Variants in CPNE8 observed in about 807,000 individuals in gnomAD.
CPNE8 encodes copine-8.
CPNE8 carries 45 observed loss-of-function variants against 81.5 expected under a neutral mutation model. The ratio of observed to expected loss-of-function variants is 0.55; its 90% CI spans 0.44 to 0.71. The LOEUF (loss-of-function observed/expected upper bound fraction) is 0.71, where lower values mean the gene tolerates loss of function less well. Ranked by LOEUF, CPNE8 falls within the 30% of genes least tolerant of loss-of-function variation. The pLI, the probability that CPNE8 is intolerant of heterozygous loss-of-function variation, is 0.00. For synonymous variants in CPNE8, 252 were observed against 226.3 expected (o/e 1.11, Z -1.02); for missense variants, 594 against 672.1 (o/e 0.88, Z 1.28).
At chr12:38,703,917 C>A (rs554765609) in intron 13 of CPNE8, among the ~76,000 whole-genome samples, 1 of 152,066 alleles carries the variant, frequency 6.6e-6, no homozygotes, top group Admixed American at 6.6e-5. Flanking sequence ...ATAGAAAAAG[C>A]CACAAAAAAG....
chr12:38,693,838 C>A lies in CPNE8; in HGVS notation c.962G>T (p.Gly321Val), dbSNP rs1165258916. Residue 321 changes from glycine (G) to valine (V), a missense_variant and splice_region_variant, in exon 15 of 20, where the codon GGC becomes GTC. Transcript: ENST00000331366. ...TVAIDFTASN[G>V]NPAQPTSLHY... Reference sequence around the variant, plus strand: ...GAGGGAAGTGGGCTGAGCAGGGTTGCCTGATGACAGAACACATATTTCAAA... The same window carrying A: ...GAGGGAAGTGGGCTGAGCAGGGTTGACTGATGACAGAACACATATTTCAAA... 1 of 1,586,454 alleles carries A rather than the reference C, an allele frequency of 6.3e-7. No individual in the cohort carries two copies. Among genetic ancestry groups the A allele is most frequent in the East Asian group, 2.3e-5 (1 of 43,852 alleles).
At position 38,893,338 on chromosome 12, in the gene CPNE8, A is replaced by G. The variant is rs534470733; in HGVS notation, c.98+12099T>C. Among the ~76,000 whole-genome samples, 6 of 152,192 alleles carry G rather than the reference A, an allele frequency of 3.9e-5. No individual in the cohort carries two copies. The East Asian group carries it at 5.8e-4, about 15-fold the overall frequency. On this transcript the variant is annotated intron_variant, in intron 1 of 19. Coordinates refer to ENST00000331366, the MANE Select transcript of CPNE8 (RefSeq NM_153634.3). ...GACCTTGCTGATAAAACACACTGCTATAATGAAGCTAACCAAAGCCCACCA... is the reference window on the plus strand; with the variant it reads ...GACCTTGCTGATAAAACACACTGCTGTAATGAAGCTAACCAAAGCCCACCA...
chr12:38,658,380 C>T (rs190029294), intron 19 of CPNE8, among the ~76,000 whole-genome samples: 1 of 152,200 alleles, frequency 6.6e-6, no homozygotes, highest in East Asian at 1.9e-4. Flanking sequence ...AGCAAAGCCT[C>T]CAAGAAATAT....
intron 16 of CPNE8, among the ~76,000 whole-genome samples, chr12:38,683,136 A>G (rs1939448378): frequency 6.6e-6 from 1 of 152,186 alleles, no homozygotes. Flanking sequence ...CAAACAGATC[A>G]GAGATACATA....
intron 3 of CPNE8, among the ~76,000 whole-genome samples, chr12:38,859,137 C>T (rs186578093): frequency 6.6e-6 from 1 of 151,384 alleles, no homozygotes; most frequent in East Asian, 1.9e-4. Flanking sequence ...GTATCCAAAT[C>T]AAAACAGAGG....
chr12:38,666,231 A>T (rs576025008), intron 19 of CPNE8, among the ~76,000 whole-genome samples: 47 of 152,300 alleles, frequency 3.1e-4, no homozygotes, highest in South Asian at 1.0e-3. Flanking sequence ...AGGGTAATAG[A>T]TCTTAATAAT....
chr12:38,906,619 C>T (rs574177985), upstream of CPNE8: 60 of 985,422 alleles, frequency 6.1e-5, 2 homozygotes, highest in South Asian at 2.3e-3. Flanking sequence ...TCAGAGTGAG[C>T]GCTGCGTTTG....
At chr12:38,905,634 A>T, upstream of CPNE8, 1 of 1,507,678 alleles carries the variant, frequency 6.6e-7, no homozygotes, top group Non-Finnish European at 8.9e-7. Flanking sequence ...TTGAGGGTGG[A>T]GGCAGAAGAA....
At chr12:38,686,678 G>A (rs575372172) in intron 15 of CPNE8, among the ~76,000 whole-genome samples, 19 of 152,286 alleles carry the variant, frequency 1.2e-4, no homozygotes, top group African/African-American at 4.1e-4. Context: ...TGAAGATGCC[G>A]ACCTGGGCTG....
chr12:38,817,122 G>T (rs1386446051), intron 6 of CPNE8, among the ~76,000 whole-genome samples: 1 of 152,160 alleles, frequency 6.6e-6, no homozygotes, highest in Non-Finnish European at 1.5e-5. Context: ...TGAAAGGATA[G>T]AAAGCCCTAG....
chr12:38,758,019 A>C (rs896236289), intron 10 of CPNE8, among the ~76,000 whole-genome samples: 1 of 152,070 alleles, frequency 6.6e-6, no homozygotes, highest in Admixed American at 6.5e-5. Flanking sequence ...CCAATGACAA[A>C]ATATGCTTAT....
rs182424905 is a variant in CPNE8, at chr12:38,798,573, G to A, written c.408-22272C>T. On this transcript the variant is annotated intron_variant, in intron 6 of 19. Coordinates refer to ENST00000331366, the MANE Select transcript of CPNE8 (RefSeq NM_153634.3). The stretch of plus-strand genomic sequence containing the variant: ...AGCACTAAACATGGAAAGAACAACC[G>A]GTACCAGCCACTGCAAAAACATGCC... Among the ~76,000 whole-genome samples, 199 of 151,876 alleles carry A rather than the reference G, an allele frequency of 1.3e-3. 2 individuals carry two copies. The highest frequency in any genetic ancestry group is 0.01 in the East Asian group (53 of 5,150).
intron 6 of CPNE8, among the ~76,000 whole-genome samples, chr12:38,785,130 G>A (rs1393235500): frequency 6.6e-6 from 1 of 151,652 alleles, no homozygotes; most frequent in Non-Finnish European, 1.5e-5. Context: ...AGGAGGAGGA[G>A]GTTGCAGAGA....
At chr12:38,667,820 G>A (rs752364469) in intron 19 of CPNE8, among the ~76,000 whole-genome samples, 33 of 151,730 alleles carry the variant, frequency 2.2e-4, no homozygotes, top group Non-Finnish European at 4.1e-4. Context: ...TTTTTGAGAC[G>A]GAGTTTCGCT....
intron 10 of CPNE8, among the ~76,000 whole-genome samples, chr12:38,745,254 C>G (rs905496963): frequency 3.9e-5 from 6 of 152,240 alleles, no homozygotes; most frequent in African/African-American, 1.4e-4. Flanking sequence ...ACACTCCTTT[C>G]AGATAAATCA....
At chr12:38,737,663 C>T (rs1248920796) in intron 10 of CPNE8, among the ~76,000 whole-genome samples, 1 of 152,068 alleles carries the variant, frequency 6.6e-6, no homozygotes, top group African/African-American at 2.4e-5. Context: ...GCCATCACTA[C>T]CACATGTCAT....
chr12:38,714,068 C>G (rs538022862), intron 13 of CPNE8, among the ~76,000 whole-genome samples: 1 of 152,096 alleles, frequency 6.6e-6, no homozygotes, highest in East Asian at 1.9e-4. Context: ...TGTCATAACA[C>G]TTGAGAGACA....
At chr12:38,856,878 T>C (rs1456732513) in intron 3 of CPNE8, among the ~76,000 whole-genome samples, 1 of 152,120 alleles carries the variant, frequency 6.6e-6, no homozygotes, top group Non-Finnish European at 1.5e-5. Context: ...GTGATTTATC[T>C]TTATTTAAAA....
chr12:38,758,709 A>G lies in CPNE8; in HGVS notation c.722+2138T>C, dbSNP rs566743889. Among the ~76,000 whole-genome samples the G allele has an allele frequency of 2.0e-5, 3 of 152,306 alleles. No homozygotes were observed. In the East Asian group the frequency reaches 5.8e-4, roughly 29 times the overall value. ...GAATAACATTAAAAATGCTTAGAGA[A>G]TACCTGGTATGTTAGAAACTTTCAA... On this transcript the variant is annotated intron_variant, in intron 10 of 19. Transcript: ENST00000331366.
Sources: gnomAD v4.1 joint callset for allele counts (sites outside exome capture counted in the v4.1 genomes callset) on GRCh38, gnomAD v4.1.1 for gene constraint, MANE v1.5 for transcripts, NCBI Gene and HGNC (gene_info 2026-07-23, HGNC 2026-07-21) for gene names.